COL5A3: variants seen among roughly 807,000 people sequenced by gnomAD.
COL5A3 encodes the protein collagen alpha-3(V) chain.
In COL5A3, 172 loss-of-function variants were observed where a neutral mutation model predicts 250.0. The observed-to-expected ratio is 0.69, with a 90% CI of 0.61 to 0.78. COL5A3 has a LOEUF of 0.78. Among genes scored for constraint, COL5A3 ranks in the 30% least tolerant of loss-of-function variants. The pLI, the probability that COL5A3 is intolerant of heterozygous loss-of-function variation, is 0.00. For missense variants in COL5A3, 2,340 were observed against 2,334.4 expected, an observed-to-expected ratio of 1.00 and a Z score of -0.05; for synonymous variants, 937 against 900.4, an observed-to-expected ratio of 1.04 and a Z score of -0.73.
intron 4 of COL5A3, 21 bp downstream of exon 4, chr19:10,005,537 C>A (rs775286529): frequency 3.0e-5 from 49 of 1,611,136 alleles, no homozygotes; most frequent in Non-Finnish European, 4.2e-5. Context: ...GCCTCAGTTT[C>A]CCCCATCACT....
At chr19:9,992,582 A>G (rs2087210194) in intron 21 of COL5A3, among the ~76,000 whole-genome samples, 1 of 151,980 alleles carries the variant, frequency 6.6e-6, no homozygotes, top group Admixed American at 6.6e-5. Flanking sequence ...TTCGAGACCA[A>G]CCTAACTAAC....
intron 57 of COL5A3, chr19:9,969,014 A>G: frequency 5.1e-6 from 3 of 583,482 alleles, no homozygotes; most frequent in Non-Finnish European, 6.0e-6. Flanking sequence ...ATGAAGGGTC[A>G]GTGTGGTCAG....
intron 6 of COL5A3, among the ~76,000 whole-genome samples, chr19:10,002,750 G>A (rs2087382852): frequency 6.6e-6 from 1 of 152,050 alleles, no homozygotes; most frequent in African/African-American, 2.4e-5. Flanking sequence ...CGCAACAAAA[G>A]CGTCCTAACC....
rs112148181 is a variant in COL5A3, at chr19:10,005,507, G to A, written c.594+51C>T. 5.1e-6 allele frequency: 8 copies of A among 1,575,058 alleles called. No homozygotes were observed. In the East Asian group the frequency reaches 6.7e-5, roughly 13 times the overall value. On this transcript the variant is annotated intron_variant, in intron 4 of 66. Transcript: ENST00000264828. ...ATATCCTCTCCAGATTCAGGCTGTAGACAAAACATCCCACCCTCTGCCTCA... is the reference window on the plus strand; with the variant it reads ...ATATCCTCTCCAGATTCAGGCTGTAAACAAAACATCCCACCCTCTGCCTCA...
rs1218354912 is a variant in COL5A3 at position 9,968,049 on chromosome 19, G to A, written c.4345C>T (p.His1449Tyr). ...GPPGPIGSLG[H>Y]PGPPGVAGPL... ...ACCGCCACACCTGGGGGCCCAGGGTGGCCCAGAGAGCCAATGGGACCAGGG... is the reference window on the plus strand; with the variant it reads ...ACCGCCACACCTGGGGGCCCAGGGTAGCCCAGAGAGCCAATGGGACCAGGG... The change falls in exon 60 of 67, where the codon CAC becomes TAC. Residue 1449 changes from histidine (H) to tyrosine (Y), a missense_variant. Physicochemically the swap from His to Tyr is moderately conservative, Grantham distance 83. Coordinates refer to ENST00000264828, the MANE Select transcript of COL5A3 (RefSeq NM_015719.4). This position sits in a 1 kb window ranked among gnomAD's most constrained non-coding sequence, Gnocchi z 4.1. 5 of 1,589,766 alleles carry A rather than the reference G, an allele frequency of 3.1e-6. No individual in the cohort carries two copies. In the South Asian group the frequency reaches 4.6e-5, roughly 15 times the overall value.
intron 6 of COL5A3, among the ~76,000 whole-genome samples, chr19:10,003,193 C>T (rs145965801): frequency 3.7e-4 from 57 of 152,272 alleles, no homozygotes; most frequent in African/African-American, 1.3e-3. Context: ...CTAATGAACA[C>T]GTCATTCAAC....
At chr19:9,983,761 A>AAAGGAAGGAAGGAAGAAAGGAGG (rs2145102409) in intron 31 of COL5A3, among the ~76,000 whole-genome samples, 1 of 151,374 alleles carries the variant, frequency 6.6e-6, no homozygotes, top group African/African-American at 2.4e-5. Flanking sequence ...GGGAGGGAAG[A>AAAGGAAGGAAGGAAGAAAGGAGG]AAGGAAGGAA....
intron 25 of COL5A3, 42 bp from the exon 26 acceptor site, chr19:9,989,408 C>A (rs1391498780): frequency 6.2e-7 from 1 of 1,613,894 alleles, no homozygotes; most frequent in Admixed American, 1.7e-5. Flanking sequence ...CCAAAACTTG[C>A]CATTCCAATT....
intron 21 of COL5A3, 89 bp downstream of exon 21, chr19:9,992,738 C>T: frequency 7.4e-7 from 1 of 1,343,548 alleles, no homozygotes; most frequent in Middle Eastern, 2.6e-4. Context: ...GATCTCGCCA[C>T]CGCACTCCAG....
chr19:9,971,445 T>C (rs1230570377), intron 51 of COL5A3, among the ~76,000 whole-genome samples, 187 bp from the exon 52 acceptor site: 1 of 152,184 alleles, frequency 6.6e-6, no homozygotes, highest in Non-Finnish European at 1.5e-5. Flanking sequence ...GAGCTAAGAA[T>C]GCCGCACGCA....
At chr19:9,965,628 T>A (rs1169376049) in intron 64 of COL5A3, among the ~76,000 whole-genome samples, 1 of 151,842 alleles carries the variant, frequency 6.6e-6, no homozygotes, top group African/African-American at 2.4e-5. Flanking sequence ...GATTTTTTTA[T>A]TTTTAGTAGA....
chr19:10,005,617 T>C lies in COL5A3; in HGVS notation c.535A>G (p.Ile179Val), dbSNP rs2087430278. 6.2e-7 allele frequency: 1 copy of C among 1,614,154 alleles called. No individual in the cohort carries two copies. The highest frequency in any genetic ancestry group is 8.5e-7 in the Non-Finnish European group (1 of 1,179,996). ...PPVLGHGPRF[I>V]SIAGLTVLGT... ...AGCACAGTGAGTCCAGCTATGCTGA[T>C]GAAGCGGGGGCCATGGCCCAAAACA... is the stretch of plus-strand genomic sequence containing the variant. Residue 179 changes from isoleucine (I) to valine (V), a missense_variant, in exon 4 of 67, where the codon ATC (isoleucine) becomes GTC (valine). Around this residue, in one of 3 missense-constraint regions of COL5A3, gnomAD observed 1,152 missense variants for 1,146.3 expected, o/e 1.00. Coordinates refer to ENST00000264828, the MANE Select transcript of COL5A3 (RefSeq NM_015719.4).
intron 56 of COL5A3, 21 bp downstream of exon 56, chr19:9,969,554 C>A: frequency 6.2e-7 from 1 of 1,608,418 alleles, no homozygotes. Flanking sequence ...CCCTGTCCCA[C>A]CCCTGCCCCG....
At chr19:9,993,832 C>T (rs2087232344) in intron 16 of COL5A3, 26 bp from the exon 17 acceptor site, 2 of 1,610,862 alleles carry the variant, frequency 1.2e-6, no homozygotes, top group African/African-American at 1.3e-5. Flanking sequence ...GCCCAAGAGT[C>T]AAGGATGAGC....
rs1293657427 is a variant in COL5A3 at position 9,969,935 on chromosome 19, A to G, written c.3937-13T>C. 2 of 1,563,866 alleles carry G rather than the reference A, an allele frequency of 1.3e-6. No individual in the cohort carries two copies. Among genetic ancestry groups the G allele is most frequent in the Admixed American group, 3.6e-5 (2 of 56,338 alleles). On this transcript the variant is annotated splice_polypyrimidine_tract_variant and intron_variant, in intron 54 of 66. Coordinates refer to ENST00000264828, the MANE Select transcript of COL5A3 (RefSeq NM_015719.4). ...GGCCTGAAGGACCCTTGGAAGGGAAAGACAGTGAGGGGGGTCTAGGGGCTG... is the reference window on the plus strand; with the variant it reads ...GGCCTGAAGGACCCTTGGAAGGGAAGGACAGTGAGGGGGGTCTAGGGGCTG...
intron 49 of COL5A3, 50 bp downstream of exon 49, chr19:9,973,706 G>C: frequency 6.2e-7 from 1 of 1,613,044 alleles, no homozygotes; most frequent in Non-Finnish European, 8.5e-7. Context: ...TGCCCAATAG[G>C]ACTAGATTTA....
At position 9,985,838 on chromosome 19, in the gene COL5A3, C is replaced by T; in HGVS notation, c.2406+4G>A. The T allele has an allele frequency of 6.2e-7, 1 of 1,612,904 alleles. No homozygotes were observed. Among genetic ancestry groups the T allele is most frequent in the African/African-American group, 1.3e-5 (1 of 75,024 alleles). On this transcript the variant is annotated splice_donor_region_variant and intron_variant, in intron 31 of 66. Coordinates refer to ENST00000264828, the MANE Select transcript of COL5A3 (RefSeq NM_015719.4). The stretch of plus-strand genomic sequence containing the variant: ...ATCTCCACCCCCCACCCCCAGCTTC[C>T]TACCTTAGGTCCAGGGCGTCCTGGA...
chr19:9,968,067 G>T lies in COL5A3; in HGVS notation c.4327C>A (p.Pro1443Thr). 1 of 1,588,184 alleles carries T rather than the reference G, an allele frequency of 6.3e-7. No homozygotes were observed. Among genetic ancestry groups the T allele is most frequent in the South Asian group, 1.2e-5 (1 of 86,344 alleles). Residue 1443 changes from proline to threonine, a missense_variant, in exon 60 of 67, where the codon CCC becomes ACC. By Grantham distance (38) the Pro-to-Thr change is conservative. Coordinates refer to ENST00000264828, the MANE Select transcript of COL5A3 (RefSeq NM_015719.4). This position sits in a 1 kb window ranked among gnomAD's most constrained non-coding sequence, Gnocchi z 4.1. ...CCAGGGTGGCCCAGAGAGCCAATGGGACCAGGGGGACCCTAGGAAAAGGAC... is the reference window on the plus strand; with the variant it reads ...CCAGGGTGGCCCAGAGAGCCAATGGTACCAGGGGGACCCTAGGAAAAGGAC... ...GPKGDPGPPGPIGSLGHPGPP... is the reference protein window; with the variant it reads ...GPKGDPGPPGTIGSLGHPGPP...
chr19:10,004,534 T>C (rs2087412623), intron 4 of COL5A3, among the ~76,000 whole-genome samples: 1 of 152,224 alleles, frequency 6.6e-6, no homozygotes, highest in South Asian at 2.1e-4. Flanking sequence ...TTTTGCCATG[T>C]TGGCCAGGCT....
Sources: gnomAD v4.1 joint callset for allele counts (sites outside exome capture counted in the v4.1 genomes callset) on GRCh38, gnomAD v4.1.1 for gene constraint, gnomAD v4.1.1 regional missense constraint, Gnocchi (gnomAD v3.1) non-coding constraint, MANE v1.5 for transcripts, NCBI Gene and HGNC (gene_info 2026-07-23, HGNC 2026-07-21) for gene names.